Variants in RPS6KC1 observed in about 807,000 individuals in gnomAD.
RPS6KC1 encodes the protein ribosomal protein S6 kinase C1.
In RPS6KC1, 54 loss-of-function variants were observed where a neutral mutation model predicts 103.8. The observed-to-expected ratio is 0.52, with a 90% CI of 0.42 to 0.65. The LOEUF (loss-of-function observed/expected upper bound fraction) is 0.65. Among genes scored for constraint, RPS6KC1 ranks in the 30% least tolerant of loss-of-function variants. The pLI is 0.00. For synonymous variants in RPS6KC1, 439 were observed against 438.7 expected (o/e 1.00, Z -0.01); for missense variants, 1,151 against 1,253.8 (o/e 0.92, Z 1.24).
the RPS6KC1 span, among the ~76,000 whole-genome samples, chr1:213,348,111 C>G: frequency 3.3e-5 from 5 of 152,124 alleles, no homozygotes; most frequent in Non-Finnish European, 7.3e-5. Context: ...TTAATATGCT[C>G]AAAGTCACTG....
chr1:213,730,013 G>C, the RPS6KC1 span, among the ~76,000 whole-genome samples: 2 of 152,146 alleles, frequency 1.3e-5, no homozygotes, highest in Admixed American at 6.5e-5. Context: ...TTATAAGTGA[G>C]AGAATGCTGT....
chr1:213,808,129 C>G, the RPS6KC1 span, among the ~76,000 whole-genome samples: 2 of 152,176 alleles, frequency 1.3e-5, no homozygotes, highest in African/African-American at 4.8e-5. Context: ...CTGATCGTTC[C>G]TCTGGAAGTT....
At chr1:213,281,597 C>A in the RPS6KC1 span, among the ~76,000 whole-genome samples, 2 of 152,210 alleles carry the variant, frequency 1.3e-5, no homozygotes, top group African/African-American at 4.8e-5. Flanking sequence ...ATTTAGTTGG[C>A]CTTGCTGGCA....
At chr1:213,089,884 A>C (rs1449437604) in intron 3 of RPS6KC1, among the ~76,000 whole-genome samples, 2 of 152,236 alleles carry the variant, frequency 1.3e-5, no homozygotes, top group Non-Finnish European at 2.9e-5. Flanking sequence ...CTACGTGCTG[A>C]AGATACATTC....
intron 4 of RPS6KC1, among the ~76,000 whole-genome samples, chr1:213,111,645 CTCTG>C (rs1048131467): frequency 6.6e-6 from 1 of 152,058 alleles, no homozygotes; most frequent in African/African-American, 2.4e-5. Flanking sequence ...GTTCTAAATA[CTCTG>C]TGTGTATTTT....
chr1:213,838,868 A>C, the RPS6KC1 span, among the ~76,000 whole-genome samples: 2 of 152,224 alleles, frequency 1.3e-5, no homozygotes, highest in Non-Finnish European at 2.9e-5. Context: ...TCTTCTGTCA[A>C]AATTCTATGT....
At chr1:213,361,831 T>C in the RPS6KC1 span, among the ~76,000 whole-genome samples, 2 of 152,210 alleles carry the variant, frequency 1.3e-5, no homozygotes, top group South Asian at 4.1e-4. Context: ...CTATGGCGTC[T>C]TTGCGGCTGT....
the RPS6KC1 span, among the ~76,000 whole-genome samples, chr1:213,327,238 A>AAGAAAGAAAGAC: frequency 2.7e-5 from 4 of 149,580 alleles, no homozygotes; most frequent in African/African-American, 1.0e-4. Context: ...AAGAAAAGAA[A>AAGAAAGAAAGAC]AGAAAGAAAG....
At chr1:213,405,245 A>G in the RPS6KC1 span, among the ~76,000 whole-genome samples, 1 of 152,262 alleles carries the variant, frequency 6.6e-6, no homozygotes, top group Non-Finnish European at 1.5e-5. Context: ...GCATTGGGAT[A>G]CGGAGGATAG....
At chr1:213,154,293 C>T (rs900588774) in intron 6 of RPS6KC1, among the ~76,000 whole-genome samples, 2 of 152,242 alleles carry the variant, frequency 1.3e-5, no homozygotes, top group African/African-American at 4.8e-5. Context: ...TGGGACTCTG[C>T]AGTCAGCAGG....
chr1:213,540,418 A>G, the RPS6KC1 span, among the ~76,000 whole-genome samples: 1 of 152,124 alleles, frequency 6.6e-6, no homozygotes, highest in Non-Finnish European at 1.5e-5. Context: ...TTCTTGGCTT[A>G]CTGCAACCTC....
At chr1:213,246,794 G>T (rs2094461438) in intron 12 of RPS6KC1, among the ~76,000 whole-genome samples, 2 of 151,852 alleles carry the variant, frequency 1.3e-5, no homozygotes, top group Admixed American at 1.3e-4. Flanking sequence ...TGGGAGGATT[G>T]CTTGAGGCTG....
chr1:213,442,172 A>G, the RPS6KC1 span, among the ~76,000 whole-genome samples: 1 of 152,314 alleles, frequency 6.6e-6, no homozygotes, highest in East Asian at 1.9e-4. Flanking sequence ...AAAGCCAGGC[A>G]ATTCTGACAC....
Position 213,225,475 on chromosome 1 carries a change from C to T in RPS6KC1, c.1045-5022C>T, listed in dbSNP as rs189612541. Among the ~76,000 whole-genome samples, 28 of 152,136 alleles carry T rather than the reference C, an allele frequency of 1.8e-4. No individual in the cohort carries two copies. In the East Asian group the frequency reaches 4.5e-3, roughly 24 times the overall value. On this transcript the variant is annotated intron_variant, in intron 8 of 14. Transcript: ENST00000366960. ...CGCGATCTCAATTCACTGCAACCTCCGCCTCCTGATTCAAGTGATTCTCAT... is the reference window on the plus strand; with the variant it reads ...CGCGATCTCAATTCACTGCAACCTCTGCCTCCTGATTCAAGTGATTCTCAT...
the RPS6KC1 span, among the ~76,000 whole-genome samples, chr1:213,316,923 C>T: frequency 2.0e-5 from 3 of 152,018 alleles, no homozygotes; most frequent in South Asian, 6.2e-4. Flanking sequence ...GCCAGCATGG[C>T]TGGGGCAGAG....
At chr1:213,485,152 C>A in the RPS6KC1 span, among the ~76,000 whole-genome samples, 1 of 152,104 alleles carries the variant, frequency 6.6e-6, no homozygotes, top group Admixed American at 6.6e-5. Flanking sequence ...AAGTGTGAGC[C>A]GCTGTGACTG....
the RPS6KC1 span, among the ~76,000 whole-genome samples, chr1:213,364,356 A>G: frequency 2.0e-5 from 3 of 152,224 alleles, no homozygotes; most frequent in Admixed American, 1.3e-4. Flanking sequence ...GGGAATGGAT[A>G]TGAAATAGTG....
At chr1:213,300,752 A>G in the RPS6KC1 span, among the ~76,000 whole-genome samples, 1 of 152,000 alleles carries the variant, frequency 6.6e-6, no homozygotes, top group Non-Finnish European at 1.5e-5. Context: ...GGATATATAA[A>G]CCCCGCTGTC....
the RPS6KC1 span, among the ~76,000 whole-genome samples, chr1:213,303,430 T>A: frequency 4.6e-5 from 7 of 152,320 alleles, no homozygotes; most frequent in South Asian, 6.2e-4. Context: ...CTCCCAGCTC[T>A]GAGGTGACTT....
Sources: allele counts gnomAD v4.1 joint callset (sites outside exome capture counted in the v4.1 genomes callset), GRCh38; gene constraint gnomAD v4.1.1; transcripts MANE v1.5; gene names NCBI Gene and HGNC (gene_info 2026-07-23, HGNC 2026-07-21).